Variants in AHCTF1 observed in about 807,000 individuals in gnomAD.
AHCTF1 encodes the protein protein ELYS.
Under a neutral mutation model 248.4 loss-of-function variants are expected in AHCTF1, and 24 were observed. The observed-to-expected ratio is 0.10, with a 90% CI of 0.07 to 0.14. The LOEUF is 0.14. AHCTF1 is among the 10% of genes least tolerant of loss of function. The probability of loss-of-function intolerance (pLI) is 1.00; values close to 1 mark genes in which losing one functional copy is unlikely to be tolerated. For missense variants in AHCTF1, 2,206 were observed against 2,636.2 expected (o/e 0.84, Z 3.57); for synonymous variants, 786 against 929.8 (o/e 0.85, Z 2.81).
intron 8 of AHCTF1, among the ~76,000 whole-genome samples, chr1:246,902,196 CA>C (rs1665051173): frequency 6.6e-6 from 1 of 152,164 alleles, no homozygotes; most frequent in African/African-American, 2.4e-5. Context: ...TCAAGACAAC[CA>C]AGGCATGTAT....
At chr1:246,924,439 G>A (rs944694756) in intron 1 of AHCTF1, among the ~76,000 whole-genome samples, 5 of 151,692 alleles carry the variant, frequency 3.3e-5, no homozygotes, top group Non-Finnish European at 7.4e-5. Flanking sequence ...GTATGGCTTG[G>A]ATTTCTTATA....
At chr1:246,893,026 A>C (rs1360606190) in intron 14 of AHCTF1, among the ~76,000 whole-genome samples, 1 of 152,186 alleles carries the variant, frequency 6.6e-6, no homozygotes, top group Non-Finnish European at 1.5e-5. Context: ...TAAAAAACCC[A>C]ACCTACCAGT....
At chr1:246,886,250 G>T (rs1439309189) in intron 20 of AHCTF1, among the ~76,000 whole-genome samples, 1 of 152,152 alleles carries the variant, frequency 6.6e-6, no homozygotes, top group Non-Finnish European at 1.5e-5. Context: ...AGAATTGCTT[G>T]AACCCAGGAG....
intron 12 of AHCTF1, 49 bp from the exon 13 acceptor site, chr1:246,895,974 G>C (rs751941316): frequency 6.7e-7 from 1 of 1,483,640 alleles, no homozygotes; most frequent in South Asian, 1.2e-5. Context: ...AAGAGGGTGT[G>C]AGATCATAGG....
chr1:246,874,676 A>C (rs574002820), intron 24 of AHCTF1, among the ~76,000 whole-genome samples: 1 of 152,300 alleles, frequency 6.6e-6, no homozygotes, highest in South Asian at 2.1e-4. Flanking sequence ...AATTAAAAAA[A>C]ATTCAACTAC....
chr1:246,902,900 T>C lies in AHCTF1; in HGVS notation c.967-225A>G, dbSNP rs115056064. On this transcript the variant is annotated intron_variant, in intron 7 of 35. Coordinates refer to ENST00000648844, the MANE Select transcript of AHCTF1 (RefSeq NM_001323342.2). ...TAATTACCAACAAGTCTTCTAAAGT[T>C]ATTTAACACAGAAGCCCTCATGCAC... 4.6e-3 allele frequency among the ~76,000 whole-genome samples: 700 copies of C among 152,330 alleles called. 4 individuals carry two copies. Among genetic ancestry groups the C allele is most frequent in the Non-Finnish European group, 7.3e-3 (498 of 68,024 alleles).
intron 32 of AHCTF1, 128 bp from the exon 33 acceptor site, chr1:246,851,570 T>C (rs570182819): frequency 2.1e-5 from 16 of 744,590 alleles, no homozygotes; most frequent in Admixed American, 1.6e-4. Context: ...ATATGGCATA[T>C]ACTTATGGGT....
In AHCTF1 at chr1:246,896,544, C is replaced by T. The variant is rs558320309; in HGVS notation, c.1624-619G>A. On this transcript the variant is annotated intron_variant, in intron 12 of 35. Transcript: ENST00000648844. Reference sequence around the variant, plus strand: ...AAAGTAGATTAGTCATTATGTAAGGCTGGGTAGGATGGGGCAGGCAGGAAG... The same window carrying T: ...AAAGTAGATTAGTCATTATGTAAGGTTGGGTAGGATGGGGCAGGCAGGAAG... Among the ~76,000 whole-genome samples, 7 of 152,106 alleles carry T rather than the reference C, an allele frequency of 4.6e-5. No individual in the cohort carries two copies. In the East Asian group the frequency reaches 1.3e-3, roughly 29 times the overall value.
At chr1:246,843,650 A>G (rs888364561) in intron 34 of AHCTF1, 145 bp downstream of exon 34, 22 of 733,120 alleles carry the variant, frequency 3.0e-5, no homozygotes, top group African/African-American at 2.5e-4. Flanking sequence ...TTTGGTATGC[A>G]TGACTGTTAT....
At chr1:246,856,743 C>A (rs1351780070) in intron 30 of AHCTF1, among the ~76,000 whole-genome samples, 1 of 152,128 alleles carries the variant, frequency 6.6e-6, no homozygotes, top group Non-Finnish European at 1.5e-5. Context: ...TCCATGCAGG[C>A]CTGGCAAAAA....
At chr1:246,910,811 G>C (rs1350070738) in intron 4 of AHCTF1, among the ~76,000 whole-genome samples, 2 of 152,044 alleles carry the variant, frequency 1.3e-5, no homozygotes, top group African/African-American at 4.8e-5. Flanking sequence ...ACAACAAACA[G>C]TTCACACAAT....
At chr1:246,915,687 C>T (rs1666096335) in intron 3 of AHCTF1, among the ~76,000 whole-genome samples, 2 of 152,178 alleles carry the variant, frequency 1.3e-5, no homozygotes, top group African/African-American at 2.4e-5. Context: ...TTTATTCATC[C>T]TGGGAATCTA....
intron 24 of AHCTF1, among the ~76,000 whole-genome samples, chr1:246,875,442 A>G (rs1326400901): frequency 6.6e-6 from 1 of 152,228 alleles, no homozygotes; most frequent in Non-Finnish European, 1.5e-5. Context: ...GCATTTAGAA[A>G]ATTACATAAA....
Position 246,894,721 on chromosome 1 carries a change from C to A in AHCTF1, c.1742G>T (p.Arg581Leu). The change falls in exon 14 of 36, where the codon CGC (arginine) becomes CTC (leucine). Residue 581 changes from arginine (R) to leucine (L), a missense_variant. Physicochemically the swap from Arg to Leu is moderately radical, Grantham distance 102 (BLOSUM62 -2). Around this residue, in one of 6 missense-constraint regions of AHCTF1, gnomAD observed 650 missense variants for 870.8 expected, o/e 0.75. Coordinates refer to ENST00000648844, the MANE Select transcript of AHCTF1 (RefSeq NM_001323342.2). ...EEQPNSATNL[R>L]FVLEWTWNKV... is the part of the protein sequence containing the mutation. ...ATTCCACGTCCATTCAAGAACAAAGCGCAAATTAGTGGCAGAATTTGGTTG... is the reference window on the plus strand; with the variant it reads ...ATTCCACGTCCATTCAAGAACAAAGAGCAAATTAGTGGCAGAATTTGGTTG... 1.2e-6 allele frequency: 2 copies of A among 1,613,678 alleles called. No individual in the cohort carries two copies. The highest frequency in any genetic ancestry group is 1.7e-4 in the Middle Eastern group (1 of 5,968).
At chr1:246,902,097 G>A (rs1385591943) in intron 8 of AHCTF1, among the ~76,000 whole-genome samples, 3 of 152,112 alleles carry the variant, frequency 2.0e-5, no homozygotes, top group Admixed American at 6.5e-5. Flanking sequence ...TAGTGATAGG[G>A]CTGGATTACG....
intron 4 of AHCTF1, among the ~76,000 whole-genome samples, chr1:246,912,957 G>A (rs1344953024): frequency 6.6e-6 from 1 of 152,062 alleles, no homozygotes; most frequent in East Asian, 1.9e-4. Flanking sequence ...GTATGTAAAT[G>A]AAAACAAATA....
intron 1 of AHCTF1, 33 bp from the exon 2 acceptor site, chr1:246,918,410 G>A (rs1003324820): frequency 3.0e-5 from 48 of 1,587,320 alleles, no homozygotes; most frequent in Non-Finnish European, 3.9e-5. Flanking sequence ...ACATTATTAT[G>A]ACACATTTGT....
chr1:246,899,954 TAACA>T (rs1434327620), intron 10 of AHCTF1, 107 bp downstream of exon 10: 13 of 1,065,726 alleles, frequency 1.2e-5, no homozygotes, highest in African/African-American at 1.7e-5. Flanking sequence ...ATATGTTAAC[TAACA>T]GTGAGATACA....
chr1:246,928,006 T>A lies in AHCTF1; in HGVS notation c.-8+3572A>T, dbSNP rs201179961. Among the ~76,000 whole-genome samples, 40 of 147,606 alleles carry A rather than the reference T, an allele frequency of 2.7e-4. No individual in the cohort carries two copies. In the East Asian group the frequency reaches 8.2e-3, roughly 30 times the overall value. On this transcript the variant is annotated intron_variant, in intron 1 of 35. Transcript: ENST00000648844. ...AGAGCAAGACTCCGCCACCAAAAAA[T>A]TAATTAATTAATTAAATTAAATACT...
Sources: gnomAD v4.1 joint callset for allele counts (sites outside exome capture counted in the v4.1 genomes callset) on GRCh38, gnomAD v4.1.1 for gene constraint, gnomAD v4.1.1 regional missense constraint, MANE v1.5 for transcripts, NCBI Gene and HGNC (gene_info 2026-07-23, HGNC 2026-07-21) for gene names.